The following TRAPPC12 variants were observed in gnomAD, a reference collection of about 807,000 sequenced individuals.
The protein encoded by TRAPPC12 is trafficking protein particle complex subunit 12, also known as TPR repeat protein 15.
In TRAPPC12, 61 loss-of-function variants were observed where a neutral mutation model predicts 69.2. That is an observed-to-expected ratio of 0.88 (90% CI 0.72 to 1.09). TRAPPC12 has a LOEUF of 1.09. TRAPPC12 is among the 50% of genes least tolerant of loss of function. TRAPPC12 has a pLI of 0.00. For missense variants in TRAPPC12, 1,101 were observed against 1,016.4 expected (o/e 1.08, Z -1.13); for synonymous variants, 469 against 438.9 (o/e 1.07, Z -0.86).
chr2:3,397,324 T>G (rs1182860314), intron 2 of TRAPPC12, among the ~76,000 whole-genome samples: 1 of 152,246 alleles, frequency 6.6e-6, no homozygotes, highest in Non-Finnish European at 1.5e-5. Flanking sequence ...GAATTCCCCT[T>G]CTGTTCAGTG....
intron 6 of TRAPPC12, chr2:3,454,824 C>T (rs1256762146): frequency 6.6e-6 from 1 of 152,366 alleles, no homozygotes; most frequent in African/African-American, 2.4e-5. Context: ...GGTCTTCTCT[C>T]AGGCCTTGCG....
intron 5 of TRAPPC12, among the ~76,000 whole-genome samples, chr2:3,431,398 G>A (rs1261436516): frequency 1.3e-5 from 2 of 152,210 alleles, no homozygotes; most frequent in South Asian, 2.1e-4. Flanking sequence ...CGGCAGGGTC[G>A]CCGTCGCCAT....
In TRAPPC12 at chr2:3,388,298, C is replaced by T. The variant is rs151326235; in HGVS notation, c.675C>T (p.Asp225=). Residue 225 remains aspartate (D), a synonymous_variant, in exon 2 of 12, where the codon GAC becomes GAT. Coordinates refer to ENST00000324266, the MANE Select transcript of TRAPPC12 (RefSeq NM_016030.6). ...ACTCCTTGGCCTCGGACTTCTTCGACTCCTTTACTACCTCCGCCTTCATTT... is the reference window on the plus strand; with the variant it reads ...ACTCCTTGGCCTCGGACTTCTTCGATTCCTTTACTACCTCCGCCTTCATTT... The part of the protein sequence containing the change: ...ASHSLASDFF[D]SFTTSAFISV... 6.2e-7 allele frequency: 1 copy of T among 1,607,532 alleles called. No homozygotes were observed. The highest frequency in any genetic ancestry group is 1.4e-5 in the African/African-American group (1 of 73,924).
intron 9 of TRAPPC12, among the ~76,000 whole-genome samples, chr2:3,473,983 C>T (rs950471644): frequency 2.0e-5 from 3 of 152,220 alleles, no homozygotes; most frequent in Non-Finnish European, 4.4e-5. Context: ...CCTTCCTCTC[C>T]AGTCAACAGC....
In TRAPPC12 at chr2:3,414,867, G is replaced by A. The variant is rs548924948; in HGVS notation, c.1165-7014G>A. 2.0e-5 allele frequency among the ~76,000 whole-genome samples: 3 copies of A among 152,242 alleles called. No homozygotes were observed. The highest frequency in any genetic ancestry group is 2.9e-5 in the Non-Finnish European group (2 of 68,012). ...TGTATGTATTTCTTATGGACATCAC[G>A]TACGTTGGCCCTTCATATCTACAGG... On this transcript the variant is annotated intron_variant, in intron 3 of 11. Transcript: ENST00000324266. This position sits in a 1 kb window ranked among gnomAD's most constrained non-coding sequence, Gnocchi z 4.9.
At chr2:3,409,026 C>T (rs1213470111) in intron 3 of TRAPPC12, among the ~76,000 whole-genome samples, 7 of 152,210 alleles carry the variant, frequency 4.6e-5, no homozygotes, top group South Asian at 4.1e-4. Flanking sequence ...AGTCTCCTGG[C>T]GGCTGTGATC....
At position 3,388,645 on chromosome 2, in the gene TRAPPC12, C is replaced by T. The variant is rs772779462; in HGVS notation, c.1022C>T (p.Pro341Leu). 7.0e-6 allele frequency: 11 copies of T among 1,575,212 alleles called. No homozygotes were observed. The highest frequency in any genetic ancestry group is 2.7e-5 in the African/African-American group (2 of 73,952). Residue 341 changes from proline to leucine, a missense_variant, in exon 2 of 12, where the codon CCG becomes CTG. Pro to Leu is a moderately conservative substitution (Grantham distance 98). Coordinates refer to ENST00000324266, the MANE Select transcript of TRAPPC12 (RefSeq NM_016030.6). Reference protein sequence around the residue: ...VFVDKENLTMPGLRFDNIQGD... With the variant: ...VFVDKENLTMLGLRFDNIQGD... ...GTGGACAAGGAGAACCTCACCATGC[C>T]GGGCCTCAGGTTCGACAACATCCAG... is the stretch of plus-strand genomic sequence containing the variant.
chr2:3,393,208 T>C (rs1180809385), intron 2 of TRAPPC12, among the ~76,000 whole-genome samples: 1 of 152,194 alleles, frequency 6.6e-6, no homozygotes, highest in Non-Finnish European at 1.5e-5. Context: ...TTTGTGACTA[T>C]ATGCATGCAC....
intron 5 of TRAPPC12, among the ~76,000 whole-genome samples, chr2:3,428,820 C>G (rs1307604726): frequency 6.6e-6 from 1 of 152,214 alleles, no homozygotes; most frequent in Non-Finnish European, 1.5e-5. Context: ...GAGCTGAGGT[C>G]TGTGCGGTTC....
At chr2:3,447,614 C>A (rs1020192558) in intron 6 of TRAPPC12, among the ~76,000 whole-genome samples, 1 of 152,188 alleles carries the variant, frequency 6.6e-6, no homozygotes, top group African/African-American at 2.4e-5. Context: ...CACCCCCCAC[C>A]AGGCCCCACC....
At chr2:3,459,120 C>T (rs973560588) in intron 7 of TRAPPC12, among the ~76,000 whole-genome samples, 1 of 152,190 alleles carries the variant, frequency 6.6e-6, no homozygotes, top group Non-Finnish European at 1.5e-5. Context: ...TTGGTGCCAG[C>T]GGTGGGTCAG....
chr2:3,413,272 A>G (rs1430057557), intron 3 of TRAPPC12, among the ~76,000 whole-genome samples: 1 of 152,208 alleles, frequency 6.6e-6, no homozygotes, highest in Non-Finnish European at 1.5e-5. Context: ...CTTGGACTCA[A>G]GGAAATATGG....
chr2:3,458,327 C>G, intron 7 of TRAPPC12: 2 of 986,456 alleles, frequency 2.0e-6, no homozygotes, highest in Non-Finnish European at 1.2e-6. Flanking sequence ...TAGCCCCACC[C>G]TAGCCTCACT....
intron 2 of TRAPPC12, among the ~76,000 whole-genome samples, chr2:3,396,504 G>A (rs930912523): frequency 6.6e-6 from 1 of 151,978 alleles, no homozygotes; most frequent in African/African-American, 2.4e-5. Context: ...GTCAATTTGG[G>A]GAAATTTGGG....
In TRAPPC12 at chr2:3,414,224, T is replaced by C. The variant is rs1003717268; in HGVS notation, c.1165-7657T>C. Among the ~76,000 whole-genome samples, 1 of 152,204 alleles carries C rather than the reference T, an allele frequency of 6.6e-6. No homozygotes were observed. The highest frequency in any genetic ancestry group is 6.5e-5 in the Admixed American group (1 of 15,278). On this transcript the variant is annotated intron_variant, in intron 3 of 11. Coordinates refer to ENST00000324266, the MANE Select transcript of TRAPPC12 (RefSeq NM_016030.6). The surrounding 1 kb of genome is among the most constrained non-coding windows in gnomAD (Gnocchi z 4.9). ...GATTTAATTATATTTCCATCAGCAGTAGGACTGCAGATTCAGCTCATTCAG... is the reference window on the plus strand; with the variant it reads ...GATTTAATTATATTTCCATCAGCAGCAGGACTGCAGATTCAGCTCATTCAG...
intron 5 of TRAPPC12, among the ~76,000 whole-genome samples, chr2:3,438,175 TCACCCCTGGATTAATCCCCAC>T (rs1356149720): frequency 8.0e-5 from 2 of 25,004 alleles, no homozygotes; most frequent in Non-Finnish European, 1.4e-4. Flanking sequence ...AATCCCCCAA[TCACCCCTGGATTAATCCCCAC>T]CACCCCTGGA....
intron 3 of TRAPPC12, among the ~76,000 whole-genome samples, chr2:3,402,629 A>T (rs555554597): frequency 6.6e-6 from 1 of 152,320 alleles, no homozygotes; most frequent in Non-Finnish European, 1.5e-5. Context: ...TTAGTACTGG[A>T]TCACCATTGC....
intron 2 of TRAPPC12, among the ~76,000 whole-genome samples, chr2:3,390,548 TTATG>T (rs1660765075): frequency 6.6e-6 from 1 of 152,304 alleles, no homozygotes; most frequent in African/African-American, 2.4e-5. Flanking sequence ...AATGGAATAT[TTATG>T]TAAGTTTTTA....
chr2:3,429,497 T>C (rs1663306512), intron 5 of TRAPPC12, among the ~76,000 whole-genome samples: 1 of 152,234 alleles, frequency 6.6e-6, no homozygotes, highest in Non-Finnish European at 1.5e-5. Context: ...AATTTGCCTT[T>C]CCTATTCGCG....
Sources: allele counts gnomAD v4.1 joint callset (sites outside exome capture counted in the v4.1 genomes callset), GRCh38; gene constraint gnomAD v4.1.1; non-coding constraint Gnocchi (gnomAD v3.1); transcripts MANE v1.5; gene names NCBI Gene and HGNC (gene_info 2026-07-23, HGNC 2026-07-21).